CPSF6: variants seen among roughly 807,000 people sequenced by gnomAD.
The protein encoded by CPSF6 is cleavage and polyadenylation specificity factor subunit 6.
In CPSF6, 10 loss-of-function variants were observed where a neutral mutation model predicts 56.7. That is an observed-to-expected ratio of 0.18 (90% CI 0.11 to 0.30). The LOEUF (loss-of-function observed/expected upper bound fraction) is 0.30, where lower values mean the gene tolerates loss of function less well. CPSF6 is among the 10% of genes least tolerant of loss of function. CPSF6 has a pLI of 1.00. For synonymous variants in CPSF6, 248 were observed against 244.8 expected, an observed-to-expected ratio of 1.01 and a Z score of -0.12; for missense variants, 419 against 722.9, an observed-to-expected ratio of 0.58 and a Z score of 4.82.
intron 2 of CPSF6, among the ~76,000 whole-genome samples, chr12:69,252,565 A>G (rs980700994): frequency 6.6e-6 from 1 of 152,152 alleles, no homozygotes; most frequent in African/African-American, 2.4e-5. Flanking sequence ...CTATTGTATC[A>G]TGTGTAAAAT....
chr12:69,268,959 CTATT>C (rs914831125), intron 9 of CPSF6, among the ~76,000 whole-genome samples: 12 of 151,926 alleles, frequency 7.9e-5, no homozygotes, highest in African/African-American at 1.9e-4. Flanking sequence ...TGTCCATACT[CTATT>C]TATAAATCTT....
In CPSF6 at chr12:69,269,876, T is replaced by C. The variant is rs1015596887; in HGVS notation, c.*368T>C. 2.2e-5 allele frequency: 4 copies of C among 180,260 alleles called. No individual in the cohort carries two copies. The Admixed American group carries it at 2.5e-4, about 11-fold the overall frequency. The allele number at this position is 180,260 out of a possible 1,614,324, so 11.2% of individuals were successfully genotyped here. A position where few individuals can be genotyped will look rare whatever the true frequency, so the allele number is the denominator to read the frequency against. ...CTTGTTAAAAATGTTTATATGATAA[T>C]GTCTGTAAACAGCATCACTTTGATT... On this transcript the variant is annotated 3_prime_UTR_variant, in exon 10 of 10. Coordinates refer to ENST00000435070, the MANE Select transcript of CPSF6 (RefSeq NM_007007.3).
Position 69,271,199 on chromosome 12 carries a change from T to G in CPSF6, c.*1691T>G, listed in dbSNP as rs1387472819. ...TGATGTTTATCAGAACTGTTCACTT[T>G]CAGAAATGATTTTTTAAAGCATTTT... On this transcript the variant is annotated 3_prime_UTR_variant, in exon 10 of 10. Coordinates refer to ENST00000435070, the MANE Select transcript of CPSF6 (RefSeq NM_007007.3). The G allele has an allele frequency of 6.6e-6, 1 of 152,234 alleles. No individual in the cohort carries two copies. Among genetic ancestry groups the G allele is most frequent in the Non-Finnish European group, 1.5e-5 (1 of 67,700 alleles). 9.4% of individuals were successfully genotyped at this position (152,234 alleles called of 1,614,324 possible). A position where few individuals can be genotyped will look rare whatever the true frequency, so the allele number is the denominator to read the frequency against.
rs1400577929 is a variant in CPSF6 at position 69,273,674 on chromosome 12, ATAAC to A, written c.*4169_*4172del. Reference sequence around the variant, plus strand: ...ATTCTGTAAGTTAAATTATTTTAAAATAACTATGGTGAATTCATGTTTATTTTTT... The same window carrying A: ...ATTCTGTAAGTTAAATTATTTTAAAATATGGTGAATTCATGTTTATTTTTT... On this transcript the variant is annotated 3_prime_UTR_variant, in exon 10 of 10. Transcript: ENST00000435070. 1 of 151,974 alleles carries A rather than the reference ATAAC, an allele frequency of 6.6e-6. No homozygotes were observed. Among genetic ancestry groups the A allele is most frequent in the Non-Finnish European group, 1.5e-5 (1 of 67,848 alleles). 9.4% of individuals were successfully genotyped at this position (151,974 alleles called of 1,614,324 possible).
In CPSF6 at chr12:69,260,127, A is replaced by AG; in HGVS notation, c.1399_1400insG (p.Lys467ArgfsTer5). ...CAAAGTATCTGCTGATGATCGTTGC[A>AG]AAGTTCTTATTAGTTCTTTGCAAGA... On this transcript the variant is annotated frameshift_variant, in exon 8 of 10. Transcript: ENST00000435070. LOFTEE classifies it high-confidence loss of function. 1 of 1,613,686 alleles carries AG rather than the reference A, an allele frequency of 6.2e-7. No individual in the cohort carries two copies. Among genetic ancestry groups the AG allele is most frequent in the Non-Finnish European group, 8.5e-7 (1 of 1,179,810 alleles).
rs764487018 is a variant in CPSF6 at position 69,260,208 on chromosome 12, C to T, written c.1469+11C>T. 1 of 1,546,638 alleles carries T rather than the reference C, an allele frequency of 6.5e-7. No homozygotes were observed. Among genetic ancestry groups the T allele is most frequent in the Non-Finnish European group, 8.7e-7 (1 of 1,149,176 alleles). On this transcript the variant is annotated intron_variant, in intron 8 of 9. Coordinates refer to ENST00000435070, the MANE Select transcript of CPSF6 (RefSeq NM_007007.3). Reference sequence around the variant, plus strand: ...TGGTTCTGGATCAAGGTAAAACTTTCCTGTCTCATTTCCATTTAAAAAAAC... The same window carrying T: ...TGGTTCTGGATCAAGGTAAAACTTTTCTGTCTCATTTCCATTTAAAAAAAC...
Position 69,269,558 on chromosome 12 carries a change from GA to G in CPSF6, c.*55del. The stretch of plus-strand genomic sequence containing the variant: ...CCAAGACAAAACAGTCTTCATGGGG[GA>G]AAAATGACGCTTGTCCAGCAGTTTG... On this transcript the variant is annotated 3_prime_UTR_variant, in exon 10 of 10. Coordinates refer to ENST00000435070, the MANE Select transcript of CPSF6 (RefSeq NM_007007.3). 7 of 450,004 alleles carry G rather than the reference GA, an allele frequency of 1.6e-5. No individual in the cohort carries two copies. Among genetic ancestry groups the G allele is most frequent in the East Asian group, 7.1e-5 (1 of 14,128 alleles). 27.9% of individuals were successfully genotyped at this position (450,004 alleles called of 1,614,324 possible).
At chr12:69,257,692 T>A (rs1049660505) in intron 4 of CPSF6, 40 bp from the exon 5 acceptor site, 1 of 1,562,728 alleles carries the variant, frequency 6.4e-7, no homozygotes. Context: ...AGAAAACTAT[T>A]TTTAATAAGT....
chr12:69,260,335 C>CT, intron 8 of CPSF6, 138 bp downstream of exon 8: 1 of 614,360 alleles, frequency 1.6e-6, no homozygotes. Flanking sequence ...TTTTTTAACT[C>CT]TAAATGTTAG....
intron 9 of CPSF6, among the ~76,000 whole-genome samples, chr12:69,266,728 A>G (rs1321061120): frequency 6.6e-6 from 1 of 152,116 alleles, no homozygotes; most frequent in Non-Finnish European, 1.5e-5. Flanking sequence ...TTATTTTGAG[A>G]TGTTCATTTT....
In CPSF6 at chr12:69,262,231, G is replaced by A. The variant is rs568600544; in HGVS notation, c.1470-142G>A. ...TGCTTACCTGGTGAGTTGGTAAGTC[G>A]TTATTGGCAGCTCAGGATAGTAAGT... is the stretch of plus-strand genomic sequence containing the variant. On this transcript the variant is annotated intron_variant, in intron 8 of 9. Transcript: ENST00000435070. 6.7e-5 allele frequency: 66 copies of A among 987,524 alleles called. No homozygotes were observed. The African/African-American group carries it at 8.9e-4, about 13-fold the overall frequency. The allele number at this position is 987,524 out of a possible 1,614,324, so 61.2% of individuals were successfully genotyped here.
At chr12:69,243,980 T>A (rs1871756542) in intron 1 of CPSF6, among the ~76,000 whole-genome samples, 1 of 152,128 alleles carries the variant, frequency 6.6e-6, no homozygotes, top group African/African-American at 2.4e-5. Context: ...ACTACAGGCA[T>A]GTGCCACCAT....
intron 1 of CPSF6, among the ~76,000 whole-genome samples, chr12:69,249,522 T>C (rs138251112): frequency 2.0e-5 from 3 of 152,248 alleles, no homozygotes; most frequent in African/African-American, 7.2e-5. Context: ...ATTGTATTAA[T>C]GGGAGAATCT....
chr12:69,254,517 G>C (rs1872413693), intron 3 of CPSF6, among the ~76,000 whole-genome samples: 1 of 152,046 alleles, frequency 6.6e-6, no homozygotes, highest in African/African-American at 2.4e-5. Context: ...CTTTATTTCT[G>C]CTCTGATATA....
intron 9 of CPSF6, among the ~76,000 whole-genome samples, chr12:69,268,059 G>C (rs983184759): frequency 6.6e-6 from 1 of 151,738 alleles, no homozygotes; most frequent in Middle Eastern, 3.2e-3. Flanking sequence ...TTCTTTTGCA[G>C]TTAGATTTAT....
intron 4 of CPSF6, 29 bp downstream of exon 4, chr12:69,256,871 A>T (rs748145228): frequency 6.4e-7 from 1 of 1,568,540 alleles, no homozygotes; most frequent in African/African-American, 1.4e-5. Context: ...CTTTTATTAA[A>T]ATATGTACAT....
intron 1 of CPSF6, among the ~76,000 whole-genome samples, chr12:69,240,283 C>T (rs1285869867): frequency 1.3e-5 from 2 of 152,358 alleles, no homozygotes; most frequent in South Asian, 2.1e-4. Context: ...CGGGGCTCTC[C>T]TTCTCGGGTT....
At chr12:69,251,521 G>GT (rs1872242986) in intron 2 of CPSF6, among the ~76,000 whole-genome samples, 183 bp downstream of exon 2, 1 of 151,986 alleles carries the variant, frequency 6.6e-6, no homozygotes, top group Non-Finnish European at 1.5e-5. Flanking sequence ...AATTCTTCTA[G>GT]TTTTGAGTTT....
chr12:69,251,885 A>G (rs1197326314), intron 2 of CPSF6, among the ~76,000 whole-genome samples: 2 of 152,188 alleles, frequency 1.3e-5, no homozygotes, highest in East Asian at 3.8e-4. Context: ...TTAAATGCAC[A>G]TATGTATATT....
Sources: gnomAD v4.1 joint callset for allele counts (sites outside exome capture counted in the v4.1 genomes callset) on GRCh38, gnomAD v4.1.1 for gene constraint, MANE v1.5 for transcripts, NCBI Gene and HGNC (gene_info 2026-07-23, HGNC 2026-07-21) for gene names.